The following ACBD5 variants were observed in gnomAD, a reference collection of about 807,000 sequenced individuals.
ACBD5 encodes acyl-CoA binding domain containing 5.
ACBD5 carries 40 observed loss-of-function variants against 71.8 expected under a neutral mutation model. The ratio of observed to expected loss-of-function variants is 0.56; its 90% CI spans 0.43 to 0.72. The LOEUF (loss-of-function observed/expected upper bound fraction) is 0.72, where lower values mean the gene tolerates loss of function less well. Among genes scored for constraint, ACBD5 ranks in the 30% least tolerant of loss-of-function variants. The pLI is 0.00. For synonymous variants in ACBD5, 229 were observed against 218.6 expected (o/e 1.05, Z -0.42); for missense variants, 559 against 644.5 (o/e 0.87, Z 1.44).
At chr10:27,211,556 T>G (rs1589115513) in intron 8 of ACBD5, among the ~76,000 whole-genome samples, 1 of 152,090 alleles carries the variant, frequency 6.6e-6, no homozygotes, top group South Asian at 2.1e-4. Context: ...CCTGGCCTCA[T>G]GATCCGCCCA....
At position 27,223,197 on chromosome 10, in the gene ACBD5, T is replaced by C. The variant is rs527412181; in HGVS notation, c.490+141A>G. On this transcript the variant is annotated intron_variant, in intron 5 of 12. Transcript: ENST00000396271. ...TAAACAAAACTTTTACATGATTTCA[T>C]GATTCCTACCTTCTAAACATTTAGA... The C allele has an allele frequency of 1.8e-4, 136 of 740,862 alleles. 1 individual carries two copies. The highest frequency in any genetic ancestry group is 2.9e-4 in the Non-Finnish European group (116 of 405,930). 45.9% of individuals were successfully genotyped at this position (740,862 alleles called of 1,614,324 possible).
chr10:27,198,086 A>T (rs1235108273), intron 12 of ACBD5, among the ~76,000 whole-genome samples: 1 of 152,230 alleles, frequency 6.6e-6, no homozygotes, highest in Non-Finnish European at 1.5e-5. Context: ...ACAAATGCGT[A>T]ACAAAACTGT....
chr10:27,235,774 C>A (rs2064590778), intron 2 of ACBD5, among the ~76,000 whole-genome samples: 1 of 152,152 alleles, frequency 6.6e-6, no homozygotes, highest in Non-Finnish European at 1.5e-5. Context: ...GAGGATAATT[C>A]TTCATATATG....
chr10:27,216,697 T>C (rs2061672169), intron 7 of ACBD5, among the ~76,000 whole-genome samples: 1 of 152,232 alleles, frequency 6.6e-6, no homozygotes, highest in African/African-American at 2.4e-5. Flanking sequence ...TAATTTTTAT[T>C]TGAAAAGATT....
intron 8 of ACBD5, 60 bp from the exon 9 acceptor site, chr10:27,211,141 T>C (rs2137070464): frequency 6.6e-7 from 1 of 1,522,110 alleles, no homozygotes; most frequent in Non-Finnish European, 9.1e-7. Flanking sequence ...CACCACAAAG[T>C]TTTTACAGCA....
At chr10:27,212,497 A>C (rs2061197878) in intron 8 of ACBD5, among the ~76,000 whole-genome samples, 2 of 151,780 alleles carry the variant, frequency 1.3e-5, no homozygotes, top group South Asian at 4.2e-4. Context: ...AGGGAATCTG[A>C]GTTTTTCATC....
chr10:27,222,803 T>C (rs2062526503), intron 5 of ACBD5, among the ~76,000 whole-genome samples: 1 of 152,178 alleles, frequency 6.6e-6, no homozygotes, highest in African/African-American at 2.4e-5. Context: ...ACTCCTGACC[T>C]CAAGGTGATC....
chr10:27,226,803 C>T (rs1432798406), intron 4 of ACBD5, among the ~76,000 whole-genome samples: 4 of 151,670 alleles, frequency 2.6e-5, no homozygotes, highest in Non-Finnish European at 4.4e-5. Context: ...AGGCATGCAC[C>T]ACCATGATCA....
rs548312336 is a variant in ACBD5, at chr10:27,184,128, C to G, written c.1494-1413G>C. Among the ~76,000 whole-genome samples, 7 of 152,246 alleles carry G rather than the reference C, an allele frequency of 4.6e-5. No individual in the cohort carries two copies. In the South Asian group the frequency reaches 1.2e-3, roughly 27 times the overall value. On this transcript the variant is annotated intron_variant, in intron 13 of 13. Transcript: ENST00000676511. ...TGATCTAGACTCAGATCCCTGTCCT[C>G]GTGGAACTTACATTCTAGTGGAAAG...
upstream of ACBD5, chr10:27,241,020 G>C (rs1005145076): frequency 1.9e-6 from 1 of 515,882 alleles, no homozygotes; most frequent in Non-Finnish European, 3.5e-6. Flanking sequence ...CTTTTGTTCA[G>C]AAGGGGGAAA....
rs1376602211 is a variant in ACBD5 at position 27,195,460 on chromosome 10, A to G, written c.*1970T>C. On this transcript the variant is annotated 3_prime_UTR_variant, in exon 13 of 13. Coordinates refer to ENST00000396271, the MANE Select transcript of ACBD5 (RefSeq NM_145698.5). Reference sequence around the variant, plus strand: ...TATCCCTAGGAGTTAGTTATCCCAGACTGCTTGTAATGATTCACAACTGCT... The same window carrying G: ...TATCCCTAGGAGTTAGTTATCCCAGGCTGCTTGTAATGATTCACAACTGCT... 1 of 454,442 alleles carries G rather than the reference A, an allele frequency of 2.2e-6. No individual in the cohort carries two copies. The highest frequency in any genetic ancestry group is 2.3e-5 in the Admixed American group (1 of 42,574). The allele number at this position is 454,442 out of a possible 1,614,324, so 28.2% of individuals were successfully genotyped here.
At chr10:27,202,835 G>A (rs1485328943) in intron 12 of ACBD5, among the ~76,000 whole-genome samples, 1 of 151,862 alleles carries the variant, frequency 6.6e-6, no homozygotes. Flanking sequence ...TCTAACAAAC[G>A]GTTGGTTCTT....
At chr10:27,210,527 G>A (rs2060951699) in intron 9 of ACBD5, among the ~76,000 whole-genome samples, 2 of 152,344 alleles carry the variant, frequency 1.3e-5, no homozygotes, top group African/African-American at 4.8e-5. Flanking sequence ...GGAGGCCGAG[G>A]TGGGTGGATC....
intron 12 of ACBD5, among the ~76,000 whole-genome samples, chr10:27,201,297 A>G (rs4747589): frequency 0.7 from 106,492 of 152,130 alleles, 37,394 homozygotes; most frequent in Admixed American, 0.72. Context: ...GACAGGTGTT[A>G]CCACAGGAGA....
At chr10:27,212,992 C>A (rs7910142) in intron 8 of ACBD5, among the ~76,000 whole-genome samples, 10,623 of 151,978 alleles carry the variant, frequency 0.07, 700 homozygotes, top group African/African-American at 0.17. Flanking sequence ...TTCAGGGAGG[C>A]AAAAGATAAA....
Position 27,208,481 on chromosome 10 carries a change from A to C in ACBD5, c.1205-36T>G, listed in dbSNP as rs759706968. 1.0e-5 allele frequency: 16 copies of C among 1,598,882 alleles called. No individual in the cohort carries two copies. In the South Asian group the frequency reaches 1.5e-4, roughly 15 times the overall value. On this transcript the variant is annotated intron_variant, in intron 9 of 12. Coordinates refer to ENST00000396271, the MANE Select transcript of ACBD5 (RefSeq NM_145698.5). Reference sequence around the variant, plus strand: ...AGGCAAAAATAAGCTTGTTTTAAATAATTCTTATACAAGTAAAACTGTGTT... The same window carrying C: ...AGGCAAAAATAAGCTTGTTTTAAATCATTCTTATACAAGTAAAACTGTGTT...
chr10:27,227,572 A>G (rs1168273892), intron 4 of ACBD5, among the ~76,000 whole-genome samples: 1 of 152,064 alleles, frequency 6.6e-6, no homozygotes, highest in Non-Finnish European at 1.5e-5. Context: ...TTTTCCCTCA[A>G]TCTGCAAAAG....
At chr10:27,191,646 G>T (rs142784601), downstream of ACBD5, among the ~76,000 whole-genome samples, 1,185 of 152,358 alleles carry the variant, frequency 7.8e-3, 9 homozygotes, top group Admixed American at 0.013. Flanking sequence ...CACTTTGGGA[G>T]ATCGAGGCAG....
chr10:27,202,251 C>A (rs867792174), intron 12 of ACBD5, among the ~76,000 whole-genome samples: 86 of 152,300 alleles, frequency 5.6e-4, no homozygotes, highest in African/African-American at 2.0e-3. Context: ...TATGGCCCTA[C>A]TTCCAACCAC....
Sources: allele counts gnomAD v4.1 joint callset (sites outside exome capture counted in the v4.1 genomes callset), GRCh38; gene constraint gnomAD v4.1.1; transcripts MANE v1.5; gene names NCBI Gene and HGNC (gene_info 2026-07-23, HGNC 2026-07-21).